AURKA: variants seen among roughly 807,000 people sequenced by gnomAD.
AURKA encodes the protein aurora 2.
Under a neutral mutation model 40.9 loss-of-function variants are expected in AURKA, and 12 were observed. That is an observed-to-expected ratio of 0.29 (90% confidence interval 0.19 to 0.48). The LOEUF is 0.48. AURKA is among the 20% of genes least tolerant of loss of function. The pLI is 0.99. For synonymous variants in AURKA, 170 were observed against 164.3 expected (o/e 1.03, Z -0.26); for missense variants, 322 against 462.1 (o/e 0.70, Z 2.78).
At chr20:56,383,444 G>A (rs1451952260) in intron 4 of AURKA, among the ~76,000 whole-genome samples, 1 of 152,206 alleles carries the variant, frequency 6.6e-6, no homozygotes, top group Admixed American at 6.5e-5. Flanking sequence ...AATGTCCCAA[G>A]CCCGTACTAT....
chr20:56,386,646 T>C, intron 2 of AURKA, 113 bp from the exon 3 acceptor site: 1 of 1,204,078 alleles, frequency 8.3e-7, no homozygotes. Flanking sequence ...ATGTCACTGA[T>C]AAGAGATGGA....
Position 56,373,311 on chromosome 20 carries a change from C to A in AURKA, c.854+97G>T, listed in dbSNP as rs1013913539. The A allele has an allele frequency of 3.8e-6, 6 of 1,579,930 alleles. No homozygotes were observed. The African/African-American group carries it at 8.1e-5, about 21-fold the overall frequency. ...CTGGGTTAGCCACCTACCCCTCTTA[C>A]AGCACAAAATCTACACTGAAATATT... On this transcript the variant is annotated intron_variant, in intron 7 of 8. Transcript: ENST00000395915. The surrounding 1 kb of genome is among the most constrained non-coding windows in gnomAD (Gnocchi z 5.0).
intron 5 of AURKA, among the ~76,000 whole-genome samples, chr20:56,382,480 C>T (rs1302705964): frequency 6.6e-6 from 1 of 152,214 alleles, no homozygotes; most frequent in East Asian, 1.9e-4. Flanking sequence ...AACCCACCAG[C>T]CGTAGTCAAC....
intron 6 of AURKA, among the ~76,000 whole-genome samples, chr20:56,379,199 A>C (rs1433935296): frequency 6.6e-6 from 1 of 152,230 alleles, no homozygotes; most frequent in African/African-American, 2.4e-5. Flanking sequence ...GGAAGTGCAC[A>C]TAAGCACTCT....
intron 6 of AURKA, 100 bp downstream of exon 6, chr20:56,381,333 C>T (rs555030773): frequency 6.2e-5 from 89 of 1,439,186 alleles, no homozygotes; most frequent in East Asian, 2.3e-4. Flanking sequence ...GCTATCCTTA[C>T]GTCAAGACAA....
At chr20:56,390,376 G>A (rs950629359) in intron 1 of AURKA, among the ~76,000 whole-genome samples, 1 of 149,748 alleles carries the variant, frequency 6.7e-6, no homozygotes, top group Non-Finnish European at 1.5e-5. Flanking sequence ...GCGCAATCTC[G>A]GCTCACCCGC....
chr20:56,390,384 C>T (rs992714076), intron 1 of AURKA, among the ~76,000 whole-genome samples: 5 of 151,714 alleles, frequency 3.3e-5, no homozygotes, highest in African/African-American at 1.2e-4. Context: ...TCGGCTCACC[C>T]GCAACCTCCA....
At chr20:56,376,001 T>C (rs1984874908) in intron 6 of AURKA, among the ~76,000 whole-genome samples, 1 of 152,238 alleles carries the variant, frequency 6.6e-6, no homozygotes, top group Non-Finnish European at 1.5e-5. Flanking sequence ...TTCATTTTCT[T>C]TCAAACAGCT....
Position 56,373,569 on chromosome 20 carries a change from T to C in AURKA, c.706-13A>G. 6.2e-7 allele frequency: 1 copy of C among 1,613,060 alleles called. No homozygotes were observed. The highest frequency in any genetic ancestry group is 8.5e-7 in the Non-Finnish European group (1 of 1,178,998). ...ATTCTGTTATATACTGTTAAAACAA[T>C]ATTGAAAGCCTATGTTTTAGATTTT... On this transcript the variant is annotated splice_polypyrimidine_tract_variant and intron_variant, in intron 6 of 8. Coordinates refer to ENST00000395915, the MANE Select transcript of AURKA (RefSeq NM_198437.3). This position sits in a 1 kb window ranked among gnomAD's most constrained non-coding sequence, Gnocchi z 5.0.
intron 1 of AURKA, among the ~76,000 whole-genome samples, chr20:56,391,031 G>A (rs1409719362): frequency 6.6e-6 from 1 of 152,180 alleles, no homozygotes; most frequent in African/African-American, 2.4e-5. Context: ...GAATTCTGGA[G>A]ACAACGCCAA....
chr20:56,386,144 C>T, intron 3 of AURKA, 113 bp downstream of exon 3: 2 of 1,459,984 alleles, frequency 1.4e-6, no homozygotes, highest in Non-Finnish European at 1.9e-6. Context: ...TCTCCCCATC[C>T]TCAACAGATA....
intron 3 of AURKA, 116 bp from the exon 4 acceptor site, chr20:56,384,440 G>T: frequency 8.0e-6 from 6 of 745,784 alleles, no homozygotes; most frequent in Non-Finnish European, 8.8e-6. Flanking sequence ...TGTCAAGAAT[G>T]ATAAATCTGT....
rs549501699 is a variant in AURKA, at chr20:56,373,123, G to C, written c.854+285C>G. ...TGGGCACTTCACCTCTGTCATATAC[G>C]TGTCCTATCTGTTGACTCATTCATC... On this transcript the variant is annotated intron_variant, in intron 7 of 8. Coordinates refer to ENST00000395915, the MANE Select transcript of AURKA (RefSeq NM_198437.3). This position sits in a 1 kb window ranked among gnomAD's most constrained non-coding sequence, Gnocchi z 5.0. Among the ~76,000 whole-genome samples the C allele has an allele frequency of 6.6e-6, 1 of 152,270 alleles. No homozygotes were observed. The highest frequency in any genetic ancestry group is 1.9e-4 in the East Asian group (1 of 5,190).
chr20:56,370,155 T>G lies in AURKA; in HGVS notation c.*3A>C, dbSNP rs34361943. The G allele has an allele frequency of 0.021, 33,974 of 1,612,342 alleles. 484 individuals are homozygous for G. The highest frequency in any genetic ancestry group is 0.023 in the Non-Finnish European group (27,266 of 1,179,958). On this transcript the variant is annotated 3_prime_UTR_variant, in exon 9 of 9. Coordinates refer to ENST00000395915, the MANE Select transcript of AURKA (RefSeq NM_198437.3). ...CTCAAGGATTTCTCCCCCTGCACGATTCCTAAGACTGTTTGCTAGCTGATT... is the reference window on the plus strand; with the variant it reads ...CTCAAGGATTTCTCCCCCTGCACGAGTCCTAAGACTGTTTGCTAGCTGATT...
At chr20:56,388,446 G>A in intron 1 of AURKA, 1 of 562,242 alleles carries the variant, frequency 1.8e-6, no homozygotes, top group Non-Finnish European at 3.2e-6. Context: ...TGGTCTTGCT[G>A]CTCCATCATC....
rs1600707681 is a variant in AURKA, at chr20:56,386,293, T to G, written c.283A>C (p.Thr95Pro). ...PHPVSRPLNN[T>P]QKSKQPLPSA... ...GGCAGGGGCTGCTTGCTCTTTTGGG[T>G]GTTATTCAGTGGCCTGGAGACAGGA... The change falls in exon 3 of 9, where the codon ACC (threonine) becomes CCC (proline). Residue 95 changes from threonine (T) to proline (P), a missense_variant. By Grantham distance (38) the Thr-to-Pro change is conservative. Coordinates refer to ENST00000395915, the MANE Select transcript of AURKA (RefSeq NM_198437.3). 6.2e-7 allele frequency: 1 copy of G among 1,614,220 alleles called. No individual in the cohort carries two copies. Among genetic ancestry groups the G allele is most frequent in the Non-Finnish European group, 8.5e-7 (1 of 1,180,032 alleles).
At chr20:56,372,214 A>C (rs886919977) in intron 7 of AURKA, among the ~76,000 whole-genome samples, 4 of 152,190 alleles carry the variant, frequency 2.6e-5, no homozygotes, top group African/African-American at 9.6e-5. Flanking sequence ...GCACACAAAC[A>C]GTCACTCACC....
chr20:56,378,823 T>C (rs2146169911), intron 6 of AURKA, among the ~76,000 whole-genome samples: 1 of 152,322 alleles, frequency 6.6e-6, no homozygotes, highest in Admixed American at 6.5e-5. Flanking sequence ...TTACATGATA[T>C]TCTGGAAAAG....
In AURKA at chr20:56,381,644, A is replaced by AC. The variant is rs768230289; in HGVS notation, c.567-74dup. On this transcript the variant is annotated intron_variant, in intron 5 of 8. Coordinates refer to ENST00000395915, the MANE Select transcript of AURKA (RefSeq NM_198437.3). ...AGACTATGTACAAAATGTCAAACAA[A>AC]CTCTTCATGTAAAACCAGTGGTGTT... The AC allele has an allele frequency of 3.2e-4, 508 of 1,582,760 alleles. 1 individual carries two copies. Among genetic ancestry groups the AC allele is most frequent in the Non-Finnish European group, 4.3e-4 (497 of 1,158,118 alleles).
Sources: allele counts gnomAD v4.1 joint callset (sites outside exome capture counted in the v4.1 genomes callset), GRCh38; gene constraint gnomAD v4.1.1; non-coding constraint Gnocchi (gnomAD v3.1); transcripts MANE v1.5; gene names NCBI Gene and HGNC (gene_info 2026-07-23, HGNC 2026-07-21).